The following NCEH1 variants were observed in gnomAD, a reference collection of about 807,000 sequenced individuals.
NCEH1 encodes the protein 2-acetyl MAGE hydrolase.
In NCEH1, 9 loss-of-function variants were observed where a neutral mutation model predicts 25.4. The ratio of observed to expected loss-of-function variants is 0.35; its 90% CI spans 0.21 to 0.62. The LOEUF (loss-of-function observed/expected upper bound fraction) is 0.62, where lower values mean the gene tolerates loss of function less well. NCEH1 is among the 20% of genes least tolerant of loss of function. NCEH1 has a pLI of 0.72. For missense variants in NCEH1, 412 were observed against 501.1 expected (o/e 0.82, Z 1.70); for synonymous variants, 200 against 199.8 (o/e 1.00, Z -0.01).
At position 172,639,090 on chromosome 3, in the gene NCEH1, G is replaced by T. The variant is rs1716732591; in HGVS notation, c.438-3003C>A. On this transcript the variant is annotated intron_variant, in intron 3 of 4. Coordinates refer to ENST00000475381, the MANE Select transcript of NCEH1 (RefSeq NM_020792.6). Reference sequence around the variant, plus strand: ...CCAAGGTGCGCGGATCACGAGGTCAGGAGATCGAGACCATCCTGGCCAACA... The same window carrying T: ...CCAAGGTGCGCGGATCACGAGGTCATGAGATCGAGACCATCCTGGCCAACA... 3.9e-5 allele frequency among the ~76,000 whole-genome samples: 6 copies of T among 152,250 alleles called. No homozygotes were observed. The South Asian group carries it at 1.2e-3, about 32-fold the overall frequency.
chr3:172,707,693 C>T (rs1714084097), intron 1 of NCEH1, among the ~76,000 whole-genome samples: 1 of 152,206 alleles, frequency 6.6e-6, no homozygotes, highest in Non-Finnish European at 1.5e-5. Context: ...TCACGCCATT[C>T]TCCTGCCTCA....
chr3:172,688,345 A>AG (rs1214802665), intron 1 of NCEH1, among the ~76,000 whole-genome samples: 37 of 151,360 alleles, frequency 2.4e-4, no homozygotes, highest in African/African-American at 7.0e-4. Context: ...AAAAAAAAAA[A>AG]AAAAAAAGAA....
intron 2 of NCEH1, among the ~76,000 whole-genome samples, chr3:172,646,228 G>A (rs935355020): frequency 6.6e-6 from 1 of 152,132 alleles, no homozygotes. Flanking sequence ...AGTGGTGCAC[G>A]CCTGCAGTCC....
chr3:172,657,104 A>T (rs1717732533), intron 1 of NCEH1, among the ~76,000 whole-genome samples: 1 of 152,086 alleles, frequency 6.6e-6, no homozygotes, highest in Non-Finnish European at 1.5e-5. Flanking sequence ...ATGTTCTCAA[A>T]AGTTCCATTT....
In NCEH1 at chr3:172,710,958, G is replaced by A; in HGVS notation, c.27C>T (p.Thr9=). The A allele has an allele frequency of 6.2e-7, 1 of 1,614,106 alleles. No individual in the cohort carries two copies. MRSSCVLL[T]ALVALAAYYV... The stretch of plus-strand genomic sequence containing the variant: ...AATAGGCGGCCAGCGCCACCAGGGC[G>A]GTGAGCAGGACACAGGACGACCTCA... Residue 9 remains threonine (T), a synonymous_variant, in exon 1 of 5, where the codon ACC becomes ACT. Coordinates refer to ENST00000475381, the MANE Select transcript of NCEH1 (RefSeq NM_020792.6).
rs143970850 is a variant in NCEH1, at chr3:172,682,544, T to C, written c.138+28303A>G. Among the ~76,000 whole-genome samples, 43 of 152,302 alleles carry C rather than the reference T, an allele frequency of 2.8e-4. No individual in the cohort carries two copies. The East Asian group carries it at 8.0e-3, about 28-fold the overall frequency. On this transcript the variant is annotated intron_variant, in intron 1 of 4. Transcript: ENST00000475381. ...ATGGTTCTTTCTGAGAAACTGGATA[T>C]GTCAGCCTCTTTCTTTGGTCCCTCA...
chr3:172,700,233 AATTCTGTT>A (rs1713605601), intron 1 of NCEH1, among the ~76,000 whole-genome samples: 1 of 152,176 alleles, frequency 6.6e-6, no homozygotes, highest in Non-Finnish European at 1.5e-5. Flanking sequence ...AAATCTTGTG[AATTCTGTT>A]ATTCAAGCTC....
Position 172,681,391 on chromosome 3 carries a change from CCAAATTTT to C in NCEH1, c.138+29448_138+29455del, listed in dbSNP as rs201595971. On this transcript the variant is annotated intron_variant, in intron 1 of 4. Coordinates refer to ENST00000475381, the MANE Select transcript of NCEH1 (RefSeq NM_020792.6). ...TAAGGCAATCAGATCCTGTCTTGCC[CCAAATTTT>C]CAAATTTTCATTTTGAACACAATAA... is the stretch of plus-strand genomic sequence containing the variant. Among the ~76,000 whole-genome samples, 75 of 152,194 alleles carry C rather than the reference CCAAATTTT, an allele frequency of 4.9e-4. 1 individual carries two copies. In the East Asian group the frequency reaches 7.9e-3, roughly 16 times the overall value.
At chr3:172,641,363 A>G (rs1716844469) in intron 3 of NCEH1, among the ~76,000 whole-genome samples, 1 of 152,210 alleles carries the variant, frequency 6.6e-6, no homozygotes, top group South Asian at 2.1e-4. Context: ...GACTTCACCT[A>G]TCAGTCATTT....
chr3:172,697,970 A>ACT (rs1411592890), intron 1 of NCEH1, among the ~76,000 whole-genome samples: 10 of 101,094 alleles, frequency 9.9e-5, no homozygotes, highest in Non-Finnish European at 1.5e-4. Context: ...TAAAAGCAGA[A>ACT]TTTTTTTTTT....
chr3:172,664,586 T>C (rs189123378), intron 1 of NCEH1, among the ~76,000 whole-genome samples: 25 of 152,344 alleles, frequency 1.6e-4, no homozygotes, highest in South Asian at 2.1e-4. Flanking sequence ...CCCCGTCACT[T>C]TCAGGTACAC....
intron 1 of NCEH1, among the ~76,000 whole-genome samples, chr3:172,679,507 C>T (rs983569296): frequency 1.3e-5 from 2 of 152,096 alleles, no homozygotes; most frequent in Non-Finnish European, 2.9e-5. Context: ...ACCGCACACC[C>T]ATCGTTTAGC....
At chr3:172,687,348 C>T (rs1712756408) in intron 1 of NCEH1, among the ~76,000 whole-genome samples, 1 of 152,202 alleles carries the variant, frequency 6.6e-6, no homozygotes, top group Non-Finnish European at 1.5e-5. Flanking sequence ...CACCCATGTA[C>T]TGACGGCCTC....
chr3:172,700,959 G>A (rs1055838867), intron 1 of NCEH1, among the ~76,000 whole-genome samples: 1 of 151,016 alleles, frequency 6.6e-6, no homozygotes, highest in Admixed American at 6.6e-5. Flanking sequence ...GTTATGTTAA[G>A]GTCTCATTTC....
intron 1 of NCEH1, among the ~76,000 whole-genome samples, chr3:172,708,022 T>C (rs921845975): frequency 2.6e-5 from 4 of 152,232 alleles, no homozygotes; most frequent in Admixed American, 1.3e-4. Flanking sequence ...GATTCTGACA[T>C]AGCATCTGTG....
chr3:172,653,763 T>TTTTTTTTG (rs1560186595), intron 1 of NCEH1, among the ~76,000 whole-genome samples: 41 of 97,806 alleles, frequency 4.2e-4, no homozygotes, highest in East Asian at 4.0e-3. Flanking sequence ...TTTTTTTGTT[T>TTTTTTTTG]TTTTTTTTTT....
At chr3:172,684,720 C>T (rs969654089) in intron 1 of NCEH1, among the ~76,000 whole-genome samples, 1 of 152,182 alleles carries the variant, frequency 6.6e-6, no homozygotes, top group Non-Finnish European at 1.5e-5. Flanking sequence ...ATGGCTCACA[C>T]CTGTAATCCC....
At chr3:172,693,626 A>G (rs1713196283) in intron 1 of NCEH1, among the ~76,000 whole-genome samples, 1 of 152,246 alleles carries the variant, frequency 6.6e-6, no homozygotes, top group African/African-American at 2.4e-5. Flanking sequence ...ATGTTTTTAG[A>G]GTAATTGAAC....
In NCEH1 at chr3:172,682,037, AAGC is replaced by A. The variant is rs556715007; in HGVS notation, c.138+28807_138+28809del. On this transcript the variant is annotated intron_variant, in intron 1 of 4. Transcript: ENST00000475381. ...GCCCTGAAATTTCCTAGGGCAGAAA[AAGC>A]AGAACACAAGGAAAACACTATTTTT... Among the ~76,000 whole-genome samples, 426 of 152,336 alleles carry A rather than the reference AAGC, an allele frequency of 2.8e-3. 4 individuals are homozygous for A. The highest frequency in any genetic ancestry group is 9.7e-3 in the African/African-American group (403 of 41,576).
Sources: gnomAD v4.1 joint callset for allele counts (sites outside exome capture counted in the v4.1 genomes callset) on GRCh38, gnomAD v4.1.1 for gene constraint, MANE v1.5 for transcripts, NCBI Gene and HGNC (gene_info 2026-07-23, HGNC 2026-07-21) for gene names.